Variants in HS3ST2 observed in about 807,000 individuals in gnomAD.
HS3ST2 encodes heparan sulfate glucosamine 3-O-sulfotransferase 2.
HS3ST2 carries 17 observed loss-of-function variants against 26.3 expected under a neutral mutation model. That is an observed-to-expected ratio of 0.65 (90% CI 0.44 to 0.97). The LOEUF (loss-of-function observed/expected upper bound fraction) is 0.97, where lower values mean the gene tolerates loss of function less well. HS3ST2 is among the 50% of genes least tolerant of loss of function. The pLI is 0.00. For missense variants in HS3ST2, 402 were observed against 501.2 expected (o/e 0.80, Z 1.89); for synonymous variants, 237 against 219.2 (o/e 1.08, Z -0.72).
intron 1 of HS3ST2, among the ~76,000 whole-genome samples, chr16:22,887,523 G>A (rs1902076252): frequency 6.6e-6 from 1 of 152,132 alleles, no homozygotes; most frequent in African/African-American, 2.4e-5. Context: ...CATCACCTTA[G>A]GGATTAGGTT....
At chr16:22,816,229 C>T (rs1265267183) in intron 1 of HS3ST2, among the ~76,000 whole-genome samples, 1 of 152,234 alleles carries the variant, frequency 6.6e-6, no homozygotes, top group African/African-American at 2.4e-5. Flanking sequence ...TTTCTAGAAA[C>T]ATCTGCATAG....
intron 1 of HS3ST2, among the ~76,000 whole-genome samples, chr16:22,823,962 T>C (rs1242041408): frequency 6.6e-6 from 1 of 152,224 alleles, no homozygotes; most frequent in African/African-American, 2.4e-5. Context: ...AAAGACAATG[T>C]CAACTCACAG....
At chr16:22,845,853 T>C (rs1189215144) in intron 1 of HS3ST2, among the ~76,000 whole-genome samples, 1 of 152,188 alleles carries the variant, frequency 6.6e-6, no homozygotes, top group East Asian at 1.9e-4. Flanking sequence ...CTTTTCAGAT[T>C]GAGTTTTCTT....
chr16:22,820,211 C>A (rs1900970411), intron 1 of HS3ST2, among the ~76,000 whole-genome samples: 1 of 152,022 alleles, frequency 6.6e-6, no homozygotes, highest in Admixed American at 6.5e-5. Flanking sequence ...AGCCTTGCAG[C>A]ATGCTGTAGA....
At chr16:22,826,127 G>T (rs373370) in intron 1 of HS3ST2, among the ~76,000 whole-genome samples, 21,870 of 152,186 alleles carry the variant, frequency 0.14, 1,699 homozygotes, top group East Asian at 0.22. Flanking sequence ...ATGAAGATGA[G>T]AAAGAGAATT....
rs192937717 is a variant in HS3ST2, at chr16:22,850,266, G to T, written c.485+35171G>T. Among the ~76,000 whole-genome samples the T allele has an allele frequency of 1.3e-5, 2 of 151,992 alleles. 1 individual carries two copies. Among genetic ancestry groups the T allele is most frequent in the African/African-American group, 4.8e-5 (2 of 41,374 alleles). On this transcript the variant is annotated intron_variant, in intron 1 of 1. Transcript: ENST00000261374. ...AGAATGAAGGACAGTGGCAGCAACT[G>T]TAACTGTTCACTCTAGTAACTATGT...
At chr16:22,866,684 C>T (rs920600157) in intron 1 of HS3ST2, among the ~76,000 whole-genome samples, 21 of 151,854 alleles carry the variant, frequency 1.4e-4, no homozygotes, top group African/African-American at 5.1e-4. Flanking sequence ...ACCTGTGGTC[C>T]CAGCTACTTG....
intron 1 of HS3ST2, among the ~76,000 whole-genome samples, chr16:22,820,258 C>T (rs935231661): frequency 6.6e-6 from 1 of 152,194 alleles, no homozygotes; most frequent in Admixed American, 6.5e-5. Flanking sequence ...CAGTTCTTGT[C>T]AGGCATGGAG....
chr16:22,896,057 C>T (rs1431139300), intron 1 of HS3ST2, among the ~76,000 whole-genome samples: 1 of 152,012 alleles, frequency 6.6e-6, no homozygotes, highest in Non-Finnish European at 1.5e-5. Context: ...AGCAATCCTC[C>T]TGCCTCAGCC....
intron 1 of HS3ST2, among the ~76,000 whole-genome samples, chr16:22,904,770 A>ACTC (rs1167426504): frequency 6.6e-6 from 1 of 152,114 alleles, no homozygotes; most frequent in East Asian, 1.9e-4. Flanking sequence ...CCTGGTAAAG[A>ACTC]CTCTATCTTG....
intron 1 of HS3ST2, among the ~76,000 whole-genome samples, chr16:22,905,233 A>C (rs1281018235): frequency 6.6e-6 from 1 of 152,156 alleles, no homozygotes; most frequent in Admixed American, 6.5e-5. Flanking sequence ...CCAGTTCTGT[A>C]AGTTTCCGAT....
chr16:22,838,149 G>T (rs951155535), intron 1 of HS3ST2, among the ~76,000 whole-genome samples: 10 of 152,220 alleles, frequency 6.6e-5, no homozygotes, highest in African/African-American at 2.4e-4. Context: ...AAGATCCTTT[G>T]TTCAGCTCTA....
At chr16:22,844,916 G>A (rs1426235496) in intron 1 of HS3ST2, among the ~76,000 whole-genome samples, 7 of 151,152 alleles carry the variant, frequency 4.6e-5, no homozygotes, top group East Asian at 1.9e-4. Context: ...GTGCAGTGGC[G>A]TGATCTCAGC....
At chr16:22,897,771 C>A (rs1457340106) in intron 1 of HS3ST2, among the ~76,000 whole-genome samples, 1 of 80,356 alleles carries the variant, frequency 1.2e-5, no homozygotes, top group Non-Finnish European at 2.3e-5. Context: ...GGTCTTTGGG[C>A]GGGTTACTTC....
chr16:22,815,729 C>T (rs1425085471), intron 1 of HS3ST2, among the ~76,000 whole-genome samples: 1 of 152,148 alleles, frequency 6.6e-6, no homozygotes, highest in Non-Finnish European at 1.5e-5. Context: ...GGATTCGAGT[C>T]TTGGGTCTGT....
intron 1 of HS3ST2, among the ~76,000 whole-genome samples, chr16:22,832,531 AT>A (rs1430699003): frequency 6.6e-6 from 1 of 151,862 alleles, no homozygotes; most frequent in Non-Finnish European, 1.5e-5. Flanking sequence ...ACATTCCTGA[AT>A]GATGTTGGGG....
chr16:22,870,805 C>A (rs1349401591), intron 1 of HS3ST2, among the ~76,000 whole-genome samples: 2 of 152,160 alleles, frequency 1.3e-5, no homozygotes, highest in African/African-American at 2.4e-5. Flanking sequence ...ACAGTCTTAA[C>A]CTCCCTGGCC....
intron 1 of HS3ST2, among the ~76,000 whole-genome samples, chr16:22,910,569 C>G (rs929037359): frequency 1.3e-5 from 2 of 152,136 alleles, no homozygotes; most frequent in Admixed American, 1.3e-4. Context: ...CTCAATACTA[C>G]TTTTTTTAAT....
intron 1 of HS3ST2, among the ~76,000 whole-genome samples, chr16:22,871,904 C>T (rs1361425771): frequency 6.6e-6 from 1 of 152,132 alleles, no homozygotes; most frequent in African/African-American, 2.4e-5. Context: ...AGGGTGGGCT[C>T]ACCTGGGAGG....
Sources: gnomAD v4.1 joint callset for allele counts (sites outside exome capture counted in the v4.1 genomes callset) on GRCh38, gnomAD v4.1.1 for gene constraint, MANE v1.5 for transcripts, NCBI Gene and HGNC (gene_info 2026-07-23, HGNC 2026-07-21) for gene names.